Variants in GATD1 observed in about 807,000 individuals in gnomAD.
The protein encoded by GATD1 is glutamine amidotransferase class 1 domain containing 1.
In GATD1, 23 loss-of-function variants were observed where a neutral mutation model predicts 25.9. The ratio of observed to expected loss-of-function variants is 0.89; its 90% CI spans 0.64 to 1.26. The LOEUF (loss-of-function observed/expected upper bound fraction) is 1.26, where lower values mean the gene tolerates loss of function less well. Ranked by LOEUF, GATD1 falls within the 50% of genes most tolerant of loss-of-function variation. The pLI is 0.00. For synonymous variants in GATD1, 177 were observed against 134.6 expected (o/e 1.31, Z -2.18); for missense variants, 347 against 312.5 (o/e 1.11, Z -0.83).
intron 3 of GATD1, 49 bp from the exon 4 acceptor site, chr11:773,678 T>C: frequency 7.1e-7 from 1 of 1,415,094 alleles, no homozygotes; most frequent in Non-Finnish European, 9.8e-7. Context: ...AAAGTGAGAC[T>C]ACCTGCAGGA....
rs1022449059 is a variant in GATD1 at position 767,619 on chromosome 11, G to A, written c.*3278C>T. Reference sequence around the variant, plus strand: ...ACTGGCTCTTCATGCACCCTGCTGTGGCCTGAGCACGTCCCCCCAAAACCC... The same window carrying A: ...ACTGGCTCTTCATGCACCCTGCTGTAGCCTGAGCACGTCCCCCCAAAACCC... On this transcript the variant is annotated 3_prime_UTR_variant, in exon 8 of 8. Coordinates refer to ENST00000319863, the MANE Select transcript of GATD1 (RefSeq NM_182612.4). 2 of 1,358,540 alleles carry A rather than the reference G, an allele frequency of 1.5e-6. No homozygotes were observed. Among genetic ancestry groups the A allele is most frequent in the South Asian group, 1.7e-5 (1 of 58,084 alleles). The allele number at this position is 1,358,540 out of a possible 1,614,324, so 84.2% of individuals were successfully genotyped here. A position where few individuals can be genotyped will look rare whatever the true frequency, so the allele number is the denominator to read the frequency against.
At chr11:775,297 G>A (rs532792602) in intron 1 of GATD1, among the ~76,000 whole-genome samples, 155 bp from the exon 2 acceptor site, 68 of 152,364 alleles carry the variant, frequency 4.5e-4, no homozygotes, top group Non-Finnish European at 7.8e-4. Context: ...AAGCCCTGGG[G>A]CAGGGCCAGC....
Position 770,917 on chromosome 11 carries a change from G to C in GATD1, c.657-14C>G. The C allele has an allele frequency of 6.2e-7, 1 of 1,611,816 alleles. No individual in the cohort carries two copies. Among genetic ancestry groups the C allele is most frequent in the Non-Finnish European group, 8.5e-7 (1 of 1,178,566 alleles). ...CAGGTTCATTTCCTGCAGGACAGACGTGTGGTCAAAGCTTGGGCAAAAGCA... is the reference window on the plus strand; with the variant it reads ...CAGGTTCATTTCCTGCAGGACAGACCTGTGGTCAAAGCTTGGGCAAAAGCA... On this transcript the variant is annotated splice_polypyrimidine_tract_variant and intron_variant, in intron 7 of 7. Transcript: ENST00000319863.
In GATD1 at chr11:769,942, G is replaced by A. The variant is rs1488117073; in HGVS notation, c.*955C>T. 1.0e-6 allele frequency: 1 copy of A among 1,002,312 alleles called. No homozygotes were observed. Among genetic ancestry groups the A allele is most frequent in the African/African-American group, 1.7e-5 (1 of 57,920 alleles). 62.1% of individuals were successfully genotyped at this position (1,002,312 alleles called of 1,614,324 possible). ...AACTGAACGGTTTTATAATCACAAG[G>A]GGCCTCCTGGCAGGTCACTGGCACC... On this transcript the variant is annotated 3_prime_UTR_variant, in exon 8 of 8. Coordinates refer to ENST00000319863, the MANE Select transcript of GATD1 (RefSeq NM_182612.4).
In GATD1 at chr11:772,518, G is replaced by T. The variant is rs200719544; in HGVS notation, c.359C>A (p.Pro120His). The change falls in exon 5 of 8, where the codon CCC becomes CAC. Residue 120 changes from proline to histidine, a missense_variant. Pro to His is a moderately conservative substitution (Grantham distance 77, BLOSUM62 -2). Coordinates refer to ENST00000319863, the MANE Select transcript of GATD1 (RefSeq NM_182612.4). ...ILQHFHSESKPICAVGHGVAA... is the reference protein window; with the variant it reads ...ILQHFHSESKHICAVGHGVAA... ...GACACCGTGGCCGACGGCGCAGATG[G>T]GTTCTGAAAGCCGTACATGGCGTTG... The T allele has an allele frequency of 1.2e-6, 2 of 1,610,452 alleles. No individual in the cohort carries two copies. The highest frequency in any genetic ancestry group is 1.7e-5 in the Admixed American group (1 of 60,024).
In GATD1 at chr11:775,137, A is replaced by G; in HGVS notation, c.70T>C (p.Ser24Pro). 1 of 1,600,558 alleles carries G rather than the reference A, an allele frequency of 6.2e-7. No individual in the cohort carries two copies. The highest frequency in any genetic ancestry group is 8.5e-7 in the Non-Finnish European group (1 of 1,174,904). The part of the protein sequence containing the change: ...LVASGAAEGV[S>P]AQSFLHCFTM... ...AAACAGTGGAGGAAGGACTGGGCCG[A>G]CACACCTGCAGAAGGTCCCAGTGAG... Residue 24 changes from serine (S) to proline (P), a missense_variant, in exon 2 of 8, where the codon TCG becomes CCG. Ser to Pro is a moderately conservative substitution (Grantham distance 74). Coordinates refer to ENST00000319863, the MANE Select transcript of GATD1 (RefSeq NM_182612.4).
rs550093144 is a variant in GATD1, at chr11:776,298, G to C, written c.64+1101C>G. Among the ~76,000 whole-genome samples the C allele has an allele frequency of 3.9e-5, 6 of 152,184 alleles. No individual in the cohort carries two copies. In the East Asian group the frequency reaches 1.2e-3, roughly 29 times the overall value. On this transcript the variant is annotated intron_variant, in intron 1 of 7. Coordinates refer to ENST00000319863, the MANE Select transcript of GATD1 (RefSeq NM_182612.4). ...GCCCAGACTCTTCATTCTTATATAA[G>C]TTAATACATATTCACTGTAAAATGT...
Position 772,519 on chromosome 11 carries a change from G to T in GATD1, c.358C>A (p.Pro120Thr). 6.2e-7 allele frequency: 1 copy of T among 1,610,472 alleles called. No homozygotes were observed. Among genetic ancestry groups the T allele is most frequent in the Non-Finnish European group, 8.5e-7 (1 of 1,179,878 alleles). The change falls in exon 5 of 8, where the codon CCC becomes ACC. Residue 120 changes from proline to threonine, a missense_variant and splice_region_variant. By Grantham distance (38) the Pro-to-Thr change is conservative. Transcript: ENST00000319863. ...ACACCGTGGCCGACGGCGCAGATGGGTTCTGAAAGCCGTACATGGCGTTGA... is the reference window on the plus strand; with the variant it reads ...ACACCGTGGCCGACGGCGCAGATGGTTTCTGAAAGCCGTACATGGCGTTGA... Reference protein sequence around the residue: ...ILQHFHSESKPICAVGHGVAA... With the variant: ...ILQHFHSESKTICAVGHGVAA...
intron 3 of GATD1, 47 bp from the exon 4 acceptor site, chr11:773,676 A>C: frequency 7.0e-7 from 1 of 1,436,312 alleles, no homozygotes; most frequent in Admixed American, 2.0e-5. Context: ...TCAAAGTGAG[A>C]CTACCTGCAG....
At position 775,519 on chromosome 11, in the gene GATD1, T is replaced by A. The variant is rs995092634; in HGVS notation, c.65-377A>T. Among the ~76,000 whole-genome samples, 3 of 152,146 alleles carry A rather than the reference T, an allele frequency of 2.0e-5. No individual in the cohort carries two copies. In the South Asian group the frequency reaches 6.2e-4, roughly 31 times the overall value. ...ATGCCACTCCCACACCCCAGCCTCATCCTAGTGCTAACAGAGCCACGAGAG... is the reference window on the plus strand; with the variant it reads ...ATGCCACTCCCACACCCCAGCCTCAACCTAGTGCTAACAGAGCCACGAGAG... On this transcript the variant is annotated intron_variant, in intron 1 of 7. Transcript: ENST00000319863.
chr11:769,304 T>C lies in GATD1; in HGVS notation c.*1593A>G. On this transcript the variant is annotated 3_prime_UTR_variant, in exon 8 of 8. Transcript: ENST00000319863. ...TCTTCCACTTTTTTCCAAATTCTCC[T>C]TATTGAACGGCTTTATTTTATTATT... 1.0e-6 allele frequency: 1 copy of C among 984,806 alleles called. No individual in the cohort carries two copies. Among genetic ancestry groups the C allele is most frequent in the Non-Finnish European group, 1.2e-6 (1 of 829,492 alleles). 61.0% of individuals were successfully genotyped at this position (984,806 alleles called of 1,614,324 possible).
chr11:769,902 C>T lies in GATD1; in HGVS notation c.*995G>A. On this transcript the variant is annotated 3_prime_UTR_variant, in exon 8 of 8. Coordinates refer to ENST00000319863, the MANE Select transcript of GATD1 (RefSeq NM_182612.4). ...AAGTGCTGGGGTTACAGGTGTGAGC[C>T]ACTGCGCCCGGCCCAACTGAACGGT... 3 of 988,332 alleles carry T rather than the reference C, an allele frequency of 3.0e-6. No homozygotes were observed. The highest frequency in any genetic ancestry group is 3.6e-6 in the Non-Finnish European group (3 of 831,920). The allele number at this position is 988,332 out of a possible 1,614,324, so 61.2% of individuals were successfully genotyped here. A position where few individuals can be genotyped will look rare whatever the true frequency, so the allele number is the denominator to read the frequency against.
chr11:772,756 C>T (rs2133626106), intron 4 of GATD1: 2 of 574,990 alleles, frequency 3.5e-6, no homozygotes, highest in South Asian at 4.1e-5. Context: ...GGTTTAGAGC[C>T]CAAATCTCAG....
At position 770,873 on chromosome 11, in the gene GATD1, A is replaced by AG; in HGVS notation, c.*23dup. On this transcript the variant is annotated 3_prime_UTR_variant, in exon 8 of 8. Transcript: ENST00000319863. ...CCTCTGGAGACACCTGGGCTGTCTC[A>AG]GGGGGTGCATCTACCCAGCAGGTTC... The AG allele has an allele frequency of 6.3e-7, 1 of 1,595,958 alleles. No homozygotes were observed. Among genetic ancestry groups the AG allele is most frequent in the Non-Finnish European group, 8.6e-7 (1 of 1,169,448 alleles).
chr11:773,278 T>C (rs1264146292), intron 4 of GATD1: 2 of 483,330 alleles, frequency 4.1e-6, no homozygotes, highest in Non-Finnish European at 7.3e-6. Flanking sequence ...CAGGAGGGCA[T>C]GGCCACCCAC....
At chr11:771,650 G>A (rs1439725392) in intron 5 of GATD1, among the ~76,000 whole-genome samples, 1 of 152,198 alleles carries the variant, frequency 6.6e-6, no homozygotes. Context: ...CACTACAGGA[G>A]GACGGGCCAG....
At chr11:773,331 G>C (rs1863633723) in intron 4 of GATD1, 191 bp downstream of exon 4, 1 of 560,156 alleles carries the variant, frequency 1.8e-6, no homozygotes, top group Non-Finnish European at 3.1e-6. Context: ...GTCACCAGGA[G>C]ACGACAAAGT....
rs1863705487 is a variant in GATD1 at position 773,965 on chromosome 11, G to A, written c.247+43C>T. On this transcript the variant is annotated intron_variant, in intron 3 of 7. Coordinates refer to ENST00000319863, the MANE Select transcript of GATD1 (RefSeq NM_182612.4). ...CTATCTGGAACCCTTGACCCTCCAA[G>A]GTCCCAGGCACCCCACCCCCAAGGA... The A allele has an allele frequency of 1.9e-6, 3 of 1,573,870 alleles. No homozygotes were observed. In the Admixed American group the frequency reaches 5.0e-5, roughly 26 times the overall value.
In GATD1 at chr11:769,661, G is replaced by A. The variant is rs201129276; in HGVS notation, c.*1236C>T. Reference sequence around the variant, plus strand: ...GTCTCACTCTATTGCCCAGGCTGGAGTGCAGTGGCACGATCTCAGCTCACT... The same window carrying A: ...GTCTCACTCTATTGCCCAGGCTGGAATGCAGTGGCACGATCTCAGCTCACT... On this transcript the variant is annotated 3_prime_UTR_variant, in exon 8 of 8. Coordinates refer to ENST00000319863, the MANE Select transcript of GATD1 (RefSeq NM_182612.4). 0.018 allele frequency: 2,704 copies of A among 153,056 alleles called. 73 individuals carry two copies. Among genetic ancestry groups the A allele is most frequent in the African/African-American group, 0.062 (2,568 of 41,092 alleles). 9.5% of individuals were successfully genotyped at this position (153,056 alleles called of 1,614,324 possible). A position where few individuals can be genotyped will look rare whatever the true frequency, so the allele number is the denominator to read the frequency against.
Sources: allele counts gnomAD v4.1 joint callset (sites outside exome capture counted in the v4.1 genomes callset), GRCh38; gene constraint gnomAD v4.1.1; transcripts MANE v1.5; gene names NCBI Gene and HGNC (gene_info 2026-07-23, HGNC 2026-07-21).